Variants in HAUS4 observed in about 807,000 individuals in gnomAD.
HAUS4 encodes the protein HAUS augmin like complex subunit 4, also known as HAUS augmin-like complex subunit 4.
Under a neutral mutation model 50.6 loss-of-function variants are expected in HAUS4, and 34 were observed. The ratio of observed to expected loss-of-function variants is 0.67; its 90% CI spans 0.51 to 0.90. HAUS4 has a LOEUF of 0.90. Ranked by LOEUF, HAUS4 falls within the 40% of genes least tolerant of loss-of-function variation. The pLI is 0.00. For synonymous variants in HAUS4, 149 were observed against 161.4 expected, an observed-to-expected ratio of 0.92 and a Z score of 0.58; for missense variants, 370 against 428.7, an observed-to-expected ratio of 0.86 and a Z score of 1.21.
intron 9 of HAUS4, 73 bp from the exon 10 acceptor site, chr14:22,946,781 C>T (rs1367801001): frequency 9.5e-5 from 57 of 596,892 alleles, no homozygotes; most frequent in Non-Finnish European, 1.4e-4. Context: ...AAATGAAAAA[C>T]TTTTTTTTTT....
At chr14:22,952,486 G>A (rs1193024816) in intron 3 of HAUS4, 27 bp from the exon 4 acceptor site, 1 of 1,613,742 alleles carries the variant, frequency 6.2e-7, no homozygotes, top group Non-Finnish European at 8.5e-7. Flanking sequence ...TCTCAGGTAG[G>A]AACCTCTCTC....
At chr14:22,951,982 A>G (rs369111332) in intron 4 of HAUS4, among the ~76,000 whole-genome samples, 5 of 129,142 alleles carry the variant, frequency 3.9e-5, no homozygotes, top group African/African-American at 1.1e-4. Flanking sequence ...TGGCCTGGTC[A>G]TTCCTGTAAC....
At chr14:22,953,038 G>A (rs1486558569) in intron 2 of HAUS4, among the ~76,000 whole-genome samples, 1 of 152,212 alleles carries the variant, frequency 6.6e-6, no homozygotes, top group African/African-American at 2.4e-5. Flanking sequence ...AGTTCTTGAA[G>A]TAGGGGGAAA....
At chr14:22,948,918 G>C (rs2044696236) in intron 6 of HAUS4, among the ~76,000 whole-genome samples, 1 of 151,952 alleles carries the variant, frequency 6.6e-6, no homozygotes. Flanking sequence ...ACTTTGGGAG[G>C]CCAAGGCGGG....
intron 9 of HAUS4, 72 bp from the exon 10 acceptor site, chr14:22,946,780 ACTT>A: frequency 9.9e-7 from 1 of 1,013,288 alleles, no homozygotes; most frequent in Non-Finnish European, 1.4e-6. Flanking sequence ...AAAATGAAAA[ACTT>A]TTTTTTTTTT....
At chr14:22,948,936 C>T (rs2044696747) in intron 6 of HAUS4, among the ~76,000 whole-genome samples, 1 of 147,440 alleles carries the variant, frequency 6.8e-6, no homozygotes, top group Admixed American at 6.8e-5. Context: ...GGGCAGATCA[C>T]CTGAGGTCAG....
intron 6 of HAUS4, among the ~76,000 whole-genome samples, chr14:22,949,989 G>A (rs1210746604): frequency 2.0e-5 from 3 of 151,892 alleles, no homozygotes; most frequent in African/African-American, 7.3e-5. Context: ...TTAGCCGAGC[G>A]GGGTGGCGCA....
At chr14:22,954,357 G>A (rs187890129) in intron 2 of HAUS4, 1 of 152,260 alleles carries the variant, frequency 6.6e-6, no homozygotes, top group South Asian at 2.1e-4. Flanking sequence ...TATGGAAATA[G>A]TCAAGATATA....
In HAUS4 at chr14:22,951,696, G is replaced by C. The variant is rs1427801174; in HGVS notation, c.331-7C>G. On this transcript the variant is annotated splice_polypyrimidine_tract_variant and splice_region_variant and intron_variant, in intron 4 of 9. Coordinates refer to ENST00000541587, the MANE Select transcript of HAUS4 (RefSeq NM_001166269.2). ...GTTCAAGGGTCTCATGAAACTGAGA[G>C]AGAGAGAATAAAAAACAAAAAGAGG... is the stretch of plus-strand genomic sequence containing the variant. The C allele has an allele frequency of 1.3e-5, 21 of 1,585,302 alleles. No homozygotes were observed. Among genetic ancestry groups the C allele is most frequent in the Non-Finnish European group, 1.6e-5 (19 of 1,167,344 alleles).
rs1399325343 is a variant in HAUS4, at chr14:22,956,871, G to C, written c.-23+45C>G. Reference sequence around the variant, plus strand: ...CACTGGCCGGAATGACTCTCCCAGAGCTCCTCTTCCCCGAAGCTCCGCCCG... The same window carrying C: ...CACTGGCCGGAATGACTCTCCCAGACCTCCTCTTCCCCGAAGCTCCGCCCG... On this transcript the variant is annotated intron_variant, in intron 1 of 9. Coordinates refer to ENST00000541587, the MANE Select transcript of HAUS4 (RefSeq NM_001166269.2). 5.2e-5 allele frequency: 8 copies of C among 154,264 alleles called. No individual in the cohort carries two copies. In the Admixed American group the frequency reaches 5.2e-4, roughly 10 times the overall value. The allele number at this position is 154,264 out of a possible 1,614,324, so 9.6% of individuals were successfully genotyped here.
At chr14:22,947,813 A>ACC (rs2044672142) in intron 7 of HAUS4, 55 bp downstream of exon 7, 1 of 1,610,226 alleles carries the variant, frequency 6.2e-7, no homozygotes, top group African/African-American at 1.3e-5. Flanking sequence ...GTCTTCCCCA[A>ACC]AAGTGCTCCT....
intron 2 of HAUS4, among the ~76,000 whole-genome samples, chr14:22,952,899 T>C (rs2044782640): frequency 6.6e-6 from 1 of 152,108 alleles, no homozygotes; most frequent in Non-Finnish European, 1.5e-5. Flanking sequence ...TAAGGGGGAA[T>C]AAGTAATAAA....
At chr14:22,955,663 GTT>G (rs61060692) in intron 1 of HAUS4, 5 of 143,866 alleles carry the variant, frequency 3.5e-5, no homozygotes, top group South Asian at 2.2e-4. Context: ...TCTGTTGGTA[GTT>G]TTTTTTTTTT....
chr14:22,951,712 C>A (rs776131416), intron 4 of HAUS4, 23 bp from the exon 5 acceptor site: 3 of 1,574,748 alleles, frequency 1.9e-6, no homozygotes, highest in African/African-American at 2.7e-5. Context: ...GAATAAAAAA[C>A]AAAAAGAGGC....
chr14:22,946,467 C>G lies in HAUS4; in HGVS notation c.*58G>C. 1 of 1,420,440 alleles carries G rather than the reference C, an allele frequency of 7.0e-7. No individual in the cohort carries two copies. The highest frequency in any genetic ancestry group is 1.3e-5 in the South Asian group (1 of 74,360). The allele number at this position is 1,420,440 out of a possible 1,614,324, so 88.0% of individuals were successfully genotyped here. Reference sequence around the variant, plus strand: ...CCCCAGGTGAAGGTGGTCCCACTAGCAGGAAGATTAGGAGGCAGCAGCTAT... The same window carrying G: ...CCCCAGGTGAAGGTGGTCCCACTAGGAGGAAGATTAGGAGGCAGCAGCTAT... On this transcript the variant is annotated 3_prime_UTR_variant, in exon 10 of 10. Coordinates refer to ENST00000541587, the MANE Select transcript of HAUS4 (RefSeq NM_001166269.2).
intron 8 of HAUS4, 125 bp from the exon 9 acceptor site, chr14:22,947,364 C>T: frequency 2.6e-6 from 2 of 762,218 alleles, no homozygotes; most frequent in South Asian, 3.1e-5. Context: ...AACAAGGTCA[C>T]TCTGAATTCC....
intron 3 of HAUS4, 22 bp from the exon 4 acceptor site, chr14:22,952,481 G>T: frequency 6.2e-7 from 1 of 1,613,800 alleles, no homozygotes; most frequent in Non-Finnish European, 8.5e-7. Flanking sequence ...AAAAATCTCA[G>T]GTAGGAACCT....
chr14:22,956,525 G>A (rs963509809), intron 1 of HAUS4, among the ~76,000 whole-genome samples: 3 of 152,120 alleles, frequency 2.0e-5, no homozygotes, highest in African/African-American at 4.8e-5. Context: ...GCGTTTTTTA[G>A]GGTGCCTTTC....
intron 4 of HAUS4, 29 bp from the exon 5 acceptor site, chr14:22,951,718 G>C: frequency 6.3e-7 from 1 of 1,576,416 alleles, no homozygotes; most frequent in East Asian, 2.3e-5. Context: ...AAAACAAAAA[G>C]AGGCAACTAT....
Sources: gnomAD v4.1 joint callset for allele counts (sites outside exome capture counted in the v4.1 genomes callset) on GRCh38, gnomAD v4.1.1 for gene constraint, MANE v1.5 for transcripts, NCBI Gene and HGNC (gene_info 2026-07-23, HGNC 2026-07-21) for gene names.